The following KRT25 variants were observed in gnomAD, a reference collection of about 807,000 sequenced individuals.
KRT25 encodes keratin, type I cytoskeletal 25.
Under a neutral mutation model 47.6 loss-of-function variants are expected in KRT25, and 37 were observed. The ratio of observed to expected loss-of-function variants is 0.78; its 90% confidence interval spans 0.60 to 1.02. The LOEUF (loss-of-function observed/expected upper bound fraction) is 1.02, where lower values mean the gene tolerates loss of function less well. Ranked by LOEUF, KRT25 falls within the 50% of genes least tolerant of loss-of-function variation. KRT25 has a pLI of 0.00. For missense variants in KRT25, 542 were observed against 550.3 expected (o/e 0.98, Z 0.15); for synonymous variants, 203 against 210.2 (o/e 0.97, Z 0.30).
At chr17:40,754,543 T>A (rs781185512) in intron 1 of KRT25, 75 bp from the exon 2 acceptor site, 3 of 1,350,322 alleles carry the variant, frequency 2.2e-6, no homozygotes, top group Non-Finnish European at 3.2e-6. Context: ...TAATGCTAAA[T>A]TGGAATTCTC....
At chr17:40,753,791 G>T in intron 3 of KRT25, 69 bp downstream of exon 3, 1 of 1,194,386 alleles carries the variant, frequency 8.4e-7, no homozygotes, top group Non-Finnish European at 1.1e-6. Context: ...GAGAGGTTAT[G>T]TACATTATCT....
At chr17:40,751,841 G>A (rs1052439976) in intron 3 of KRT25, among the ~76,000 whole-genome samples, 6 of 149,628 alleles carry the variant, frequency 4.0e-5, no homozygotes, top group Non-Finnish European at 5.9e-5. Context: ...TTGAAATGAT[G>A]ATAAATAAAT....
At position 40,754,372 on chromosome 17, in the gene KRT25, G is replaced by A; in HGVS notation, c.512+14C>T. 6.2e-7 allele frequency: 1 copy of A among 1,603,424 alleles called. No homozygotes were observed. On this transcript the variant is annotated intron_variant, in intron 2 of 7. Coordinates refer to ENST00000312150, the MANE Select transcript of KRT25 (RefSeq NM_181534.4). ...AATTGCCATGAATTCATTTCACTCT[G>A]GCAGTCTACTTACTTGAGTCTGAAA...
rs2144130562 is a variant in KRT25, at chr17:40,754,735, A to AAG, written c.429+107_429+108insCT. On this transcript the variant is annotated intron_variant, in intron 1 of 7. Transcript: ENST00000312150. ...CTCCTTCTCAAAAAAAAAAAAAAAAAAAAATCACAAGTAGGAATGATAAAT... is the reference window on the plus strand; with the variant it reads ...CTCCTTCTCAAAAAAAAAAAAAAAAAAGAAAATCACAAGTAGGAATGATAAAT... 2 of 1,190,110 alleles carry AAG rather than the reference A, an allele frequency of 1.7e-6. 1 individual carries two copies. The highest frequency in any genetic ancestry group is 3.4e-5 in the South Asian group (2 of 58,634). 73.7% of individuals were successfully genotyped at this position (1,190,110 alleles called of 1,614,324 possible).
Position 40,748,536 on chromosome 17 carries a change from T to G in KRT25, c.1244-150A>C. On this transcript the variant is annotated intron_variant, in intron 7 of 7. Transcript: ENST00000312150. ...CATTTTTGGTGAATAATTTTGATTA[T>G]TTGGTTAGAAAAAACATGGTGACAT... 3 of 560,332 alleles carry G rather than the reference T, an allele frequency of 5.4e-6. No individual in the cohort carries two copies. In the South Asian group the frequency reaches 7.9e-5, roughly 15 times the overall value. 34.7% of individuals were successfully genotyped at this position (560,332 alleles called of 1,614,324 possible).
In KRT25 at chr17:40,748,370, T is replaced by C; in HGVS notation, c.1260A>G (p.Ile420Met). 1 of 1,611,388 alleles carries C rather than the reference T, an allele frequency of 6.2e-7. No homozygotes were observed. Among genetic ancestry groups the C allele is most frequent in the Non-Finnish European group, 8.5e-7 (1 of 1,178,688 alleles). The change falls in exon 8 of 8, where the codon ATA (isoleucine) becomes ATG (methionine). Residue 420 changes from isoleucine (I) to methionine (M), a missense_variant. Ile to Met is a conservative substitution (Grantham distance 10). Transcript: ENST00000312150. ...CCTCCTCAAGAACTTTCTTAACCAC[T>C]ATGGCTTTGGCTGGGTCTGAGCATT... Reference protein sequence around the residue: ...GSQVKDPAKAIVVKKVLEEVD... With the variant: ...GSQVKDPAKAMVVKKVLEEVD...
chr17:40,753,071 C>T (rs113554999), intron 3 of KRT25, among the ~76,000 whole-genome samples: 2,210 of 152,190 alleles, frequency 0.015, 59 homozygotes, highest in African/African-American at 0.051. Flanking sequence ...TACAGCCAGA[C>T]CTATTAAGAA....
chr17:40,751,739 A>G (rs2038049977), intron 3 of KRT25, among the ~76,000 whole-genome samples: 1 of 152,182 alleles, frequency 6.6e-6, no homozygotes, highest in African/African-American at 2.4e-5. Context: ...TCCTTCCACT[A>G]GAGGCCAGCT....
At chr17:40,748,882 C>A (rs1379945511) in intron 7 of KRT25, among the ~76,000 whole-genome samples, 1 of 152,278 alleles carries the variant, frequency 6.6e-6, no homozygotes, top group African/African-American at 2.4e-5. Context: ...TGAAAAAGAA[C>A]AAGATCATGT....
intron 3 of KRT25, among the ~76,000 whole-genome samples, chr17:40,752,607 A>G (rs565381654): frequency 1.3e-5 from 2 of 152,336 alleles, no homozygotes; most frequent in African/African-American, 4.8e-5. Flanking sequence ...AGATATATGT[A>G]TATCATCTAT....
chr17:40,751,883 C>CGTGTGTGT lies in KRT25; in HGVS notation c.670-565_670-558dup, dbSNP rs71152701. 3.9e-3 allele frequency among the ~76,000 whole-genome samples: 578 copies of CGTGTGTGT among 149,010 alleles called. 2 individuals are homozygous for CGTGTGTGT. The highest frequency in any genetic ancestry group is 0.013 in the African/African-American group (532 of 40,218). On this transcript the variant is annotated intron_variant, in intron 3 of 7. Transcript: ENST00000312150. ...ATGTGTGTGTGTGTGTGTGTGCGTG[C>CGTGTGTGT]GTGTGTGTGTGTGTGTGTGTGTGTG...
chr17:40,750,712 T>C lies in KRT25; in HGVS notation c.958-115A>G. ...ACATATAATTGTTTCAGATTTCACATGGACACATAGTTAAGACTCTGTGAT... is the reference window on the plus strand; with the variant it reads ...ACATATAATTGTTTCAGATTTCACACGGACACATAGTTAAGACTCTGTGAT... On this transcript the variant is annotated intron_variant, in intron 5 of 7. Coordinates refer to ENST00000312150, the MANE Select transcript of KRT25 (RefSeq NM_181534.4). 2.0e-6 allele frequency: 3 copies of C among 1,463,694 alleles called. No homozygotes were observed. The South Asian group carries it at 3.8e-5, about 19-fold the overall frequency. The allele number at this position is 1,463,694 out of a possible 1,614,324, so 90.7% of individuals were successfully genotyped here. A position where few individuals can be genotyped will look rare whatever the true frequency, so the allele number is the denominator to read the frequency against.
At chr17:40,749,860 G>C (rs1041297827) in intron 6 of KRT25, among the ~76,000 whole-genome samples, 1 of 151,302 alleles carries the variant, frequency 6.6e-6, no homozygotes, top group African/African-American at 2.4e-5. Context: ...TTTTTTTTCT[G>C]TATGATTCCT....
rs113369241 is a variant in KRT25, at chr17:40,750,707, T to G, written c.958-110A>C. On this transcript the variant is annotated intron_variant, in intron 5 of 7. Transcript: ENST00000312150. ...ACTTTACATATAATTGTTTCAGATT[T>G]CACATGGACACATAGTTAAGACTCT... 99 of 1,483,622 alleles carry G rather than the reference T, an allele frequency of 6.7e-5. No homozygotes were observed. The African/African-American group carries it at 1.1e-3, about 16-fold the overall frequency. The allele number at this position is 1,483,622 out of a possible 1,614,324, so 91.9% of individuals were successfully genotyped here. A position where few individuals can be genotyped will look rare whatever the true frequency, so the allele number is the denominator to read the frequency against.
chr17:40,750,029 G>A (rs1211861275), intron 6 of KRT25, among the ~76,000 whole-genome samples: 1 of 152,090 alleles, frequency 6.6e-6, no homozygotes, highest in Non-Finnish European at 1.5e-5. Context: ...GTGGCCATGG[G>A]ACTTTATCAG....
chr17:40,755,249 G>T lies in KRT25; in HGVS notation c.23C>A (p.Ala8Glu), dbSNP rs2038096431. 7 of 1,613,696 alleles carry T rather than the reference G, an allele frequency of 4.3e-6. No homozygotes were observed. The highest frequency in any genetic ancestry group is 5.1e-6 in the Non-Finnish European group (6 of 1,179,892). The stretch of plus-strand genomic sequence containing the variant: ...GGGACGAGGACAGGACCTCCTGGAT[G>T]CACTGGAAAGTCGAAGAGACATGGT... MSLRLSS[A>E]SRRSCPRPTT... Residue 8 changes from alanine to glutamate, a missense_variant, in exon 1 of 8, where the codon GCA becomes GAA. Coordinates refer to ENST00000312150, the MANE Select transcript of KRT25 (RefSeq NM_181534.4).
chr17:40,754,077 C>T, intron 2 of KRT25, 61 bp from the exon 3 acceptor site: 3 of 1,494,046 alleles, frequency 2.0e-6, no homozygotes, highest in Non-Finnish European at 2.8e-6. Context: ...TCACTAGTCA[C>T]TGATCAATGA....
chr17:40,754,815 A>G lies in KRT25; in HGVS notation c.429+28T>C, dbSNP rs750912062. 4.2e-5 allele frequency: 65 copies of G among 1,533,062 alleles called. 1 individual carries two copies. In the South Asian group the frequency reaches 7.9e-4, roughly 19 times the overall value. 95.0% of individuals were successfully genotyped at this position (1,533,062 alleles called of 1,614,324 possible). On this transcript the variant is annotated intron_variant, in intron 1 of 7. Transcript: ENST00000312150. ...CAAAATTTAGAAATAAAGGTACATGAAAATGATTGTGCAGTATGATTTCTT... is the reference window on the plus strand; with the variant it reads ...CAAAATTTAGAAATAAAGGTACATGGAAATGATTGTGCAGTATGATTTCTT...
At chr17:40,748,948 G>A (rs770223522) in intron 7 of KRT25, among the ~76,000 whole-genome samples, 50 of 152,098 alleles carry the variant, frequency 3.3e-4, no homozygotes, top group Non-Finnish European at 6.2e-4. Flanking sequence ...AGCTAACGCA[G>A]GAACAGAAAA....
Sources: gnomAD v4.1 joint callset for allele counts (sites outside exome capture counted in the v4.1 genomes callset) on GRCh38, gnomAD v4.1.1 for gene constraint, MANE v1.5 for transcripts, NCBI Gene and HGNC (gene_info 2026-07-23, HGNC 2026-07-21) for gene names.